The following IQCE variants were observed in gnomAD, a reference collection of about 807,000 sequenced individuals.
IQCE encodes the protein IQ motif containing E, also known as IQ domain-containing protein E.
In IQCE, 115 loss-of-function variants were observed where a neutral mutation model predicts 96.0. The observed-to-expected ratio is 1.20, with a 90% CI of 1.03 to 1.40. IQCE has a LOEUF of 1.40. IQCE is among the 40% of genes most tolerant of loss of function. The probability of loss-of-function intolerance (pLI) is 0.00; values close to 1 mark genes in which losing one functional copy is unlikely to be tolerated. For synonymous variants in IQCE, 412 were observed against 371.2 expected (o/e 1.11, Z -1.26); for missense variants, 1,041 against 909.1 (o/e 1.15, Z -1.87).
chr7:2,573,601 G>A (rs370123726), intron 6 of IQCE, 113 bp downstream of exon 6: 33 of 605,304 alleles, frequency 5.5e-5, no homozygotes, highest in African/African-American at 2.3e-4. Context: ...GAGCGGGAGC[G>A]TTAGGGTCGA....
At chr7:2,577,592 G>T (rs564100307) in intron 6 of IQCE, among the ~76,000 whole-genome samples, 1 of 132,818 alleles carries the variant, frequency 7.5e-6, no homozygotes, top group African/African-American at 3.0e-5. Context: ...GCCCGCATTG[G>T]CGTGTGCGTG....
At chr7:2,594,847 G>A in intron 15 of IQCE, 39 bp from the exon 16 acceptor site, 2 of 1,392,516 alleles carry the variant, frequency 1.4e-6, no homozygotes, top group East Asian at 2.3e-5. Flanking sequence ...ATCACATAGT[G>A]ACAGGTGAGG....
At chr7:2,592,143 G>A (rs1346243196) in intron 14 of IQCE, among the ~76,000 whole-genome samples, 2 of 152,150 alleles carry the variant, frequency 1.3e-5, no homozygotes, top group African/African-American at 2.4e-5. Context: ...GGTGCCTCCC[G>A]GCCAGCTACG....
chr7:2,595,576 G>T (rs972848331), intron 16 of IQCE, among the ~76,000 whole-genome samples: 2 of 152,246 alleles, frequency 1.3e-5, no homozygotes, highest in Non-Finnish European at 2.9e-5. Context: ...GGGGCAGCTA[G>T]TCGCGGCGGC....
intron 6 of IQCE, 95 bp downstream of exon 6, chr7:2,573,583 G>C (rs75189496): frequency 1.4e-6 from 1 of 695,834 alleles, no homozygotes. Context: ...GAGGTGCCCA[G>C]ATGGGAAGAG....
rs1017634109 is a variant in IQCE, at chr7:2,610,516, G to C, written c.*354G>C. 5.2e-5 allele frequency: 11 copies of C among 213,302 alleles called. No homozygotes were observed. The highest frequency in any genetic ancestry group is 1.9e-4 in the African/African-American group (8 of 42,958). 13.2% of individuals were successfully genotyped at this position (213,302 alleles called of 1,614,324 possible). A position where few individuals can be genotyped will look rare whatever the true frequency, so the allele number is the denominator to read the frequency against. ...CTGCCCACGACCTTGACCGTGAGGA[G>C]CTGCTATCCGCAACCAGCGCCGACA... On this transcript the variant is annotated 3_prime_UTR_variant, in exon 22 of 22. Transcript: ENST00000402050.
chr7:2,583,747 C>A (rs538712238), intron 10 of IQCE, 38 bp downstream of exon 10: 1 of 949,738 alleles, frequency 1.1e-6, no homozygotes, highest in African/African-American at 1.8e-5. Context: ...GGGCGGGCAC[C>A]GAGCTGGGCG....
rs113007860 is a variant in IQCE at position 2,610,059 on chromosome 7, G to A, written c.1985G>A (p.Gly662Glu). ...ATTTCTGCAGACCCCTCTCCCTCAG[G>A]GCCACAGGCCTTGGCACCTCTACCT... ...LAALPDPSPS[G>E]PQALAPLPGD... is the part of the protein sequence containing the mutation. Residue 662 changes from glycine to glutamate, a missense_variant, in exon 22 of 22, where the codon GGG becomes GAG. Physicochemically the swap from Gly to Glu is moderately conservative, Grantham distance 98 (BLOSUM62 -2). Coordinates refer to ENST00000402050, the MANE Select transcript of IQCE (RefSeq NM_152558.5). The A allele has an allele frequency of 9.4e-6, 15 of 1,601,762 alleles. 1 individual carries two copies. Among genetic ancestry groups the A allele is most frequent in the African/African-American group, 9.4e-5 (7 of 74,784 alleles).
At position 2,611,129 on chromosome 7, in the gene IQCE, T is replaced by TAGGCCGGGCC. The variant is rs1785086361; in HGVS notation, c.*967_*968insAGGCCGGGCC. 8.1e-6 allele frequency: 1 copy of TAGGCCGGGCC among 123,508 alleles called. No homozygotes were observed. Among genetic ancestry groups the TAGGCCGGGCC allele is most frequent in the Admixed American group, 7.7e-5 (1 of 13,056 alleles). The allele number at this position is 123,508 out of a possible 1,614,324, so 7.7% of individuals were successfully genotyped here. A position where few individuals can be genotyped will look rare whatever the true frequency, so the allele number is the denominator to read the frequency against. ...GCTCCATGGCTGGGCTGGGCTGGGCTGGGCTGGGCTGGGCCGGGCGTGCGG... is the reference window on the plus strand; with the variant it reads ...GCTCCATGGCTGGGCTGGGCTGGGCTAGGCCGGGCCGGGCTGGGCTGGGCCGGGCGTGCGG... On this transcript the variant is annotated 3_prime_UTR_variant, in exon 22 of 22. Transcript: ENST00000402050.
intron 8 of IQCE, among the ~76,000 whole-genome samples, chr7:2,580,761 G>T (rs1782603393): frequency 6.6e-6 from 1 of 152,220 alleles, no homozygotes; most frequent in East Asian, 1.9e-4. Flanking sequence ...GATGTGTGTG[G>T]CAGAGCCCCG....
intron 8 of IQCE, among the ~76,000 whole-genome samples, chr7:2,580,635 A>G (rs891125969): frequency 6.6e-6 from 1 of 152,208 alleles, no homozygotes; most frequent in Non-Finnish European, 1.5e-5. Flanking sequence ...GTGTCTATCA[A>G]TAGAGGCTGG....
In IQCE at chr7:2,594,907, C is replaced by T; in HGVS notation, c.1371C>T (p.Thr457=). The T allele has an allele frequency of 1.2e-6, 2 of 1,613,682 alleles. No homozygotes were observed. The highest frequency in any genetic ancestry group is 1.7e-6 in the Non-Finnish European group (2 of 1,179,558). The change falls in exon 16 of 22, where the codon ACC becomes ACT. Residue 457 remains threonine (T), a synonymous_variant. Coordinates refer to ENST00000402050, the MANE Select transcript of IQCE (RefSeq NM_152558.5). ...EVLREEIQTL[T]SKLQELQEMK... ...TTAGAGAGGAGATTCAGACACTTACCAGCAAGCTCCAAGAATTGCAAGAAA... is the reference window on the plus strand; with the variant it reads ...TTAGAGAGGAGATTCAGACACTTACTAGCAAGCTCCAAGAATTGCAAGAAA...
intron 3 of IQCE, among the ~76,000 whole-genome samples, chr7:2,570,587 T>G (rs1032766663): frequency 6.6e-6 from 1 of 151,998 alleles, no homozygotes; most frequent in Non-Finnish European, 1.5e-5. Flanking sequence ...ACTTAGAAAC[T>G]TAAACATTTT....
At position 2,593,008 on chromosome 7, in the gene IQCE, A is replaced by G. The variant is rs771343055; in HGVS notation, c.1245-14A>G. ...TTTTGTGAACGCTGACGAGTCTCCT[A>G]TTCTTGTGTGCAGTTTGGAGGTGAA... On this transcript the variant is annotated splice_polypyrimidine_tract_variant and intron_variant, in intron 14 of 21. Coordinates refer to ENST00000402050, the MANE Select transcript of IQCE (RefSeq NM_152558.5). 2.5e-6 allele frequency: 4 copies of G among 1,588,798 alleles called. No individual in the cohort carries two copies. The highest frequency in any genetic ancestry group is 2.6e-6 in the Non-Finnish European group (3 of 1,162,622).
chr7:2,607,761 C>T (rs1041599204), intron 21 of IQCE, among the ~76,000 whole-genome samples: 7 of 152,186 alleles, frequency 4.6e-5, no homozygotes, highest in Non-Finnish European at 1.0e-4. Context: ...ACTCTCCACC[C>T]CAAATCTATG....
intron 8 of IQCE, among the ~76,000 whole-genome samples, 179 bp from the exon 9 acceptor site, chr7:2,582,397 TACTC>T (rs1218288732): frequency 1.3e-5 from 2 of 152,146 alleles, no homozygotes; most frequent in Non-Finnish European, 2.9e-5. Flanking sequence ...CACCCAGCCT[TACTC>T]AGGGACAGGA....
chr7:2,582,222 T>A (rs1427543319), intron 8 of IQCE: 3 of 388,530 alleles, frequency 7.7e-6, no homozygotes, highest in Non-Finnish European at 1.0e-5. Flanking sequence ...GGTCTGTGGT[T>A]TATCCAGCTG....
At chr7:2,591,417 C>G (rs1373219896) in intron 14 of IQCE, among the ~76,000 whole-genome samples, 1 of 152,114 alleles carries the variant, frequency 6.6e-6, no homozygotes, top group African/African-American at 2.4e-5. Context: ...CAGGGCTCGG[C>G]TCCTTCATGA....
At chr7:2,604,139 C>CT (rs397704523) in intron 18 of IQCE, among the ~76,000 whole-genome samples, 6 of 38 alleles carry the variant, frequency 0.16, no homozygotes, top group East Asian at 0.5. Context: ...CAGGCATGCG[C>CT]GCCACGTCTG....
Sources: allele counts gnomAD v4.1 joint callset (sites outside exome capture counted in the v4.1 genomes callset), GRCh38; gene constraint gnomAD v4.1.1; transcripts MANE v1.5; gene names NCBI Gene and HGNC (gene_info 2026-07-23, HGNC 2026-07-21).